Variants in NEDD4 observed in about 807,000 individuals in gnomAD.
The protein encoded by NEDD4 is E3 ubiquitin-protein ligase NEDD4.
Under a neutral mutation model 144.9 loss-of-function variants are expected in NEDD4, and 99 were observed. The observed-to-expected ratio is 0.68, with a 90% CI of 0.58 to 0.81. NEDD4 has a LOEUF of 0.81. Ranked by LOEUF, NEDD4 falls within the 30% of genes least tolerant of loss-of-function variation. NEDD4 has a pLI of 0.00. For missense variants in NEDD4, 985 were observed against 1,065.9 expected (o/e 0.92, Z 1.06); for synonymous variants, 318 against 350.6 (o/e 0.91, Z 1.04).
rs2034198156 is a variant in NEDD4, at chr15:55,856,418, G to A, written c.961-222C>T. ...TGCCCCCCGTGCTGGACTGCCTCCT[G>A]GACACCTTCTCTTGAATGTTTCACA... On this transcript the variant is annotated intron_variant, in intron 11 of 28. Coordinates refer to ENST00000435532, the MANE Select transcript of NEDD4 (RefSeq NM_006154.4). Among the ~76,000 whole-genome samples, 3 of 151,958 alleles carry A rather than the reference G, an allele frequency of 2.0e-5. No homozygotes were observed. In the South Asian group the frequency reaches 6.2e-4, roughly 32 times the overall value.
intron 1 of NEDD4, among the ~76,000 whole-genome samples, chr15:55,977,314 G>A (rs181297177): frequency 5.3e-4 from 80 of 152,284 alleles, no homozygotes; most frequent in African/African-American, 1.9e-3. Context: ...ATTCAGTACA[G>A]TATCATGCTG....
Position 55,840,688 on chromosome 15 carries a change from C to A in NEDD4, c.1878G>T (p.Leu626Phe), listed in dbSNP as rs145328125. ...AGTAAGAGAGGTGATCTTCGTTACA[C>A]AATCCAGAGTTTGGATTTATCTGTA... ...YTLQINPNSGLCNEDHLSYFK... is the reference protein window; with the variant it reads ...YTLQINPNSGFCNEDHLSYFK... The change falls in exon 20 of 29, where the codon TTG becomes TTT. Residue 626 changes from leucine (L) to phenylalanine (F), a missense_variant. Coordinates refer to ENST00000435532, the MANE Select transcript of NEDD4 (RefSeq NM_006154.4). The A allele has an allele frequency of 1.9e-6, 3 of 1,614,034 alleles. No homozygotes were observed. The highest frequency in any genetic ancestry group is 2.5e-6 in the Non-Finnish European group (3 of 1,179,952).
chr15:55,869,685 TAGAAA>T lies in NEDD4; in HGVS notation c.405-9_405-5del, dbSNP rs780870147. 2.0e-6 allele frequency: 3 copies of T among 1,487,058 alleles called. No individual in the cohort carries two copies. The highest frequency in any genetic ancestry group is 2.4e-5 in the South Asian group (2 of 82,252). 92.1% of individuals were successfully genotyped at this position (1,487,058 alleles called of 1,614,324 possible). A position where few individuals can be genotyped will look rare whatever the true frequency, so the allele number is the denominator to read the frequency against. On this transcript the variant is annotated splice_polypyrimidine_tract_variant and splice_region_variant and intron_variant, in intron 7 of 28. Transcript: ENST00000435532. ...ACCTTTAACTCTTGATTTGTGACTGTAGAAAAGAAAATAAATATTCATAAAACTTT... is the reference window on the plus strand; with the variant it reads ...ACCTTTAACTCTTGATTTGTGACTGTAGAAAATAAATATTCATAAAACTTT...
At chr15:55,973,835 C>CAAA (rs879352706) in intron 1 of NEDD4, among the ~76,000 whole-genome samples, 1 of 130,862 alleles carries the variant, frequency 7.6e-6, no homozygotes, top group African/African-American at 2.8e-5. Flanking sequence ...AGAAAAACTT[C>CAAA]AAAAAAAAAA....
intron 17 of NEDD4, among the ~76,000 whole-genome samples, chr15:55,847,443 G>C (rs891248192): frequency 1.3e-5 from 2 of 152,054 alleles, no homozygotes; most frequent in Non-Finnish European, 2.9e-5. Context: ...GCCATTAAAG[G>C]ACTACATGTT....
At chr15:55,916,070 C>A in intron 5 of NEDD4, 4 of 1,613,890 alleles carry the variant, frequency 2.5e-6, no homozygotes, top group Non-Finnish European at 3.4e-6. Context: ...TTTTTGTGTT[C>A]CTGCTCACTG....
intron 1 of NEDD4, among the ~76,000 whole-genome samples, chr15:55,991,455 C>T (rs1404490846): frequency 2.0e-5 from 3 of 152,218 alleles, no homozygotes; most frequent in African/African-American, 7.2e-5. Context: ...TTTTTTCCCT[C>T]TCTATCCCTG....
chr15:55,946,519 G>C (rs2037116688), intron 4 of NEDD4, among the ~76,000 whole-genome samples: 1 of 152,126 alleles, frequency 6.6e-6, no homozygotes, highest in South Asian at 2.1e-4. Context: ...AGTCCTTAGA[G>C]ACCTACAAAG....
chr15:55,960,527 G>A (rs57365614), intron 2 of NEDD4, among the ~76,000 whole-genome samples: 20,448 of 152,168 alleles, frequency 0.13, 1,495 homozygotes, highest in East Asian at 0.32. Context: ...CAGACTGAAG[G>A]CTGCATTGTT....
At chr15:55,970,039 A>T (rs1330763011) in intron 1 of NEDD4, among the ~76,000 whole-genome samples, 1 of 152,122 alleles carries the variant, frequency 6.6e-6, no homozygotes, top group East Asian at 1.9e-4. Context: ...CACTGCCCTA[A>T]AGGGAGAGAC....
chr15:55,934,263 C>A (rs1456375875), intron 4 of NEDD4, among the ~76,000 whole-genome samples: 2 of 152,184 alleles, frequency 1.3e-5, no homozygotes, highest in African/African-American at 4.8e-5. Context: ...ATAATGATTT[C>A]AAGGTTCATC....
intron 5 of NEDD4, among the ~76,000 whole-genome samples, chr15:55,906,876 A>T (rs1220392412): frequency 6.6e-6 from 1 of 152,156 alleles, no homozygotes; most frequent in Non-Finnish European, 1.5e-5. Flanking sequence ...CAGGTGGATC[A>T]CTTGAGGTCA....
At chr15:55,836,406 C>T (rs1193730329) in intron 24 of NEDD4, among the ~76,000 whole-genome samples, 1 of 152,058 alleles carries the variant, frequency 6.6e-6, no homozygotes, top group Non-Finnish European at 1.5e-5. Flanking sequence ...GTAGCCCAGA[C>T]TGGAGTGCAG....
At chr15:55,974,412 T>C (rs1490863832) in intron 1 of NEDD4, among the ~76,000 whole-genome samples, 1 of 152,164 alleles carries the variant, frequency 6.6e-6, no homozygotes, top group African/African-American at 2.4e-5. Flanking sequence ...TCCATACTGA[T>C]TCTATAAGGC....
At chr15:55,971,976 T>C (rs868651179) in intron 1 of NEDD4, among the ~76,000 whole-genome samples, 3 of 152,202 alleles carry the variant, frequency 2.0e-5, no homozygotes, top group Admixed American at 1.3e-4. Flanking sequence ...CATGATTTAT[T>C]TGAAGTGCTG....
Position 55,873,990 on chromosome 15 carries a change from C to G in NEDD4, c.310G>C (p.Gly104Arg). 1 of 1,542,120 alleles carries G rather than the reference C, an allele frequency of 6.5e-7. No individual in the cohort carries two copies. The highest frequency in any genetic ancestry group is 8.8e-7 in the Non-Finnish European group (1 of 1,138,272). ...GGATAAAGTGGAACATCCACTTGAC[C>G]TAGGAAATCATCTCTTGTCTATAAG... The part of the protein sequence containing the change: ...ENRLTRDDFL[G>R]QVDVPLYPLP... The change falls in exon 6 of 29, where the codon GGT (glycine) becomes CGT (arginine). Residue 104 changes from glycine (G) to arginine (R), a missense_variant. Transcript: ENST00000435532.
chr15:55,902,230 C>A (rs532577507), intron 5 of NEDD4, among the ~76,000 whole-genome samples: 1 of 152,222 alleles, frequency 6.6e-6, no homozygotes, highest in African/African-American at 2.4e-5. Context: ...CTGACATGCT[C>A]CATCCCAAAG....
intron 2 of NEDD4, among the ~76,000 whole-genome samples, chr15:55,961,725 T>A (rs1468109724): frequency 6.6e-6 from 1 of 152,086 alleles, no homozygotes; most frequent in African/African-American, 2.4e-5. Context: ...CGCCTCAGCC[T>A]CCCAAAGTGC....
chr15:55,910,200 C>T (rs79693462), intron 5 of NEDD4, among the ~76,000 whole-genome samples: 10,559 of 152,172 alleles, frequency 0.069, 451 homozygotes, highest in Admixed American at 0.11. Flanking sequence ...CTTGCCTATG[C>T]TATCTCATGC....
Sources: gnomAD v4.1 joint callset for allele counts (sites outside exome capture counted in the v4.1 genomes callset) on GRCh38, gnomAD v4.1.1 for gene constraint, MANE v1.5 for transcripts, NCBI Gene and HGNC (gene_info 2026-07-23, HGNC 2026-07-21) for gene names.